CTNNA2: variants seen among roughly 807,000 people sequenced by gnomAD.
CTNNA2 encodes catenin alpha 2.
A neutral mutation model predicts 101.0 loss-of-function variants in CTNNA2; 42 were observed. That is an observed-to-expected ratio of 0.42 (90% CI 0.32 to 0.54). CTNNA2 has a LOEUF of 0.54. Ranked by LOEUF, CTNNA2 falls within the 20% of genes least tolerant of loss-of-function variation. CTNNA2 has a pLI of 0.14. For missense variants in CTNNA2, 871 were observed against 1,223.1 expected (o/e 0.71, Z 4.29); for synonymous variants, 450 against 456.4 (o/e 0.99, Z 0.18).
At chr2:79,243,007 C>CACACACACACAT (rs1674651496) in intron 2 of CTNNA2, among the ~76,000 whole-genome samples, 2 of 142,678 alleles carry the variant, frequency 1.4e-5, no homozygotes, top group African/African-American at 5.2e-5. Context: ...CACACACACA[C>CACACACACACAT]ACACACACAC....
At chr2:79,919,095 T>A (rs1203529149) in intron 7 of CTNNA2, among the ~76,000 whole-genome samples, 3 of 152,144 alleles carry the variant, frequency 2.0e-5, no homozygotes, top group Non-Finnish European at 4.4e-5. Flanking sequence ...AAGCCTCCTC[T>A]TGGTAGCCTT....
chr2:80,601,207 T>C (rs964331214), intron 15 of CTNNA2, among the ~76,000 whole-genome samples: 3 of 152,064 alleles, frequency 2.0e-5, no homozygotes, highest in Non-Finnish European at 4.4e-5. Context: ...TTTCTTCTTT[T>C]TGTCTGTGTG....
intron 2 of CTNNA2, among the ~76,000 whole-genome samples, chr2:79,654,997 CTTATAA>C (rs1384397986): frequency 2.0e-5 from 3 of 151,982 alleles, no homozygotes; most frequent in Non-Finnish European, 4.4e-5. Flanking sequence ...AAAATATGGA[CTTATAA>C]TTGTATATGT....
chr2:80,460,372 C>T (rs1235009759), intron 9 of CTNNA2, among the ~76,000 whole-genome samples: 1 of 152,032 alleles, frequency 6.6e-6, no homozygotes, highest in Non-Finnish European at 1.5e-5. Context: ...TGCACATACT[C>T]CAGTGCTTTT....
Position 79,668,891 on chromosome 2 carries a change from G to A in CTNNA2, c.102+17233G>A, listed in dbSNP as rs182610489. On this transcript the variant is annotated intron_variant, in intron 2 of 18. Coordinates refer to ENST00000402739, the MANE Select transcript of CTNNA2 (RefSeq NM_001282597.3). Reference sequence around the variant, plus strand: ...ACCAAAAGTTTCCAATCAAACAGAGGAACACATTCCTTATTCTAATCATAA... The same window carrying A: ...ACCAAAAGTTTCCAATCAAACAGAGAAACACATTCCTTATTCTAATCATAA... Among the ~76,000 whole-genome samples, 269 of 152,236 alleles carry A rather than the reference G, an allele frequency of 1.8e-3. 2 individuals carry two copies. The highest frequency in any genetic ancestry group is 2.9e-3 in the Non-Finnish European group (195 of 68,014).
At chr2:79,631,099 C>G (rs1035076531) in intron 1 of CTNNA2, among the ~76,000 whole-genome samples, 2 of 151,944 alleles carry the variant, frequency 1.3e-5, no homozygotes, top group African/African-American at 4.8e-5. Context: ...TTATCAGGTC[C>G]TAGAGTTTCT....
chr2:79,615,337 T>C (rs1431844313), intron 1 of CTNNA2, among the ~76,000 whole-genome samples: 1 of 152,154 alleles, frequency 6.6e-6, no homozygotes, highest in Non-Finnish European at 1.5e-5. Context: ...AATTTTTTCC[T>C]GAAATTTCAG....
chr2:80,404,804 A>G (rs757796591), intron 8 of CTNNA2, among the ~76,000 whole-genome samples: 9 of 152,108 alleles, frequency 5.9e-5, no homozygotes, highest in Non-Finnish European at 8.8e-5. Flanking sequence ...CAGTTGGTAC[A>G]ATTATTGGGT....
At position 80,430,331 on chromosome 2, in the gene CTNNA2, A is replaced by G. The variant is rs539705794; in HGVS notation, c.1290+10730A>G. 2.6e-3 allele frequency among the ~76,000 whole-genome samples: 394 copies of G among 152,284 alleles called. 3 individuals carry two copies. Among genetic ancestry groups the G allele is most frequent in the Non-Finnish European group, 4.3e-3 (293 of 68,028 alleles). On this transcript the variant is annotated intron_variant, in intron 9 of 18. Coordinates refer to ENST00000402739, the MANE Select transcript of CTNNA2 (RefSeq NM_001282597.3). ...CTAGATACCATGGTAATGTTCACAC[A>G]TTATCTCTTCTAATCCTCTAAGGAA...
chr2:79,933,457 T>C (rs1687581450), intron 7 of CTNNA2, among the ~76,000 whole-genome samples: 1 of 140,284 alleles, frequency 7.1e-6, no homozygotes, highest in South Asian at 2.2e-4. Flanking sequence ...TCTGGTATTC[T>C]CTTTTTTTTT....
chr2:80,546,055 C>T lies in CTNNA2; in HGVS notation c.1532C>T (p.Ser511Phe). Residue 511 changes from serine (S) to phenylalanine (F), a missense_variant, in exon 11 of 19, where the codon TCT (serine) becomes TTT (phenylalanine). Physicochemically the swap from Ser to Phe is radical, Grantham distance 155. Around this residue, in one of 5 missense-constraint regions of CTNNA2, gnomAD observed 647 missense variants for 831.5 expected, o/e 0.78. Transcript: ENST00000402739. The part of the protein sequence containing the change: ...DDITSVDDFL[S>F]VSENHILEDV... ...ATCACCTCAGTGGATGACTTCCTCT[C>T]TGTCTCAGGTAATCATCACAAACAG... The T allele has an allele frequency of 6.2e-7, 1 of 1,613,916 alleles. No homozygotes were observed. The highest frequency in any genetic ancestry group is 8.5e-7 in the Non-Finnish European group (1 of 1,179,940).
At chr2:79,702,184 C>G (rs1306978552) in intron 2 of CTNNA2, among the ~76,000 whole-genome samples, 1 of 151,212 alleles carries the variant, frequency 6.6e-6, no homozygotes, top group Non-Finnish European at 1.5e-5. Flanking sequence ...GATCTGTGGC[C>G]CAAGTCCTGA....
chr2:80,290,842 GA>G (rs1270259854), intron 7 of CTNNA2, among the ~76,000 whole-genome samples: 1 of 151,878 alleles, frequency 6.6e-6, no homozygotes, highest in Non-Finnish European at 1.5e-5. Flanking sequence ...GGGAGGGAAA[GA>G]AAAAATGAAG....
At chr2:80,093,455 C>T (rs531840947) in intron 7 of CTNNA2, among the ~76,000 whole-genome samples, 2 of 152,250 alleles carry the variant, frequency 1.3e-5, no homozygotes, top group East Asian at 1.9e-4. Context: ...AATAGTGCCG[C>T]AATAAACATA....
rs572024707 is a variant in CTNNA2 at position 80,400,098 on chromosome 2, G to A, written c.1137+6807G>A. Among the ~76,000 whole-genome samples, 4 of 152,318 alleles carry A rather than the reference G, an allele frequency of 2.6e-5. No homozygotes were observed. In the South Asian group the frequency reaches 8.3e-4, roughly 32 times the overall value. On this transcript the variant is annotated intron_variant, in intron 8 of 18. Coordinates refer to ENST00000402739, the MANE Select transcript of CTNNA2 (RefSeq NM_001282597.3). ...CCTGAATTGAGGTGTTTCTAGAGCT[G>A]ATGATAACAGCTAATCGCCTTGATT... is the stretch of plus-strand genomic sequence containing the variant.
intron 2 of CTNNA2, among the ~76,000 whole-genome samples, chr2:79,671,605 A>G (rs1682845106): frequency 6.6e-6 from 1 of 152,242 alleles, no homozygotes; most frequent in Admixed American, 6.5e-5. Context: ...TTCCTTTTTA[A>G]GTGCCAGAAG....
At chr2:80,349,407 A>C (rs1673077748) in intron 7 of CTNNA2, among the ~76,000 whole-genome samples, 1 of 152,160 alleles carries the variant, frequency 6.6e-6, no homozygotes, top group East Asian at 1.9e-4. Context: ...ATTCTGGCAT[A>C]AACTATTCTA....
chr2:79,787,213 T>C (rs1674910494), intron 3 of CTNNA2, among the ~76,000 whole-genome samples: 1 of 152,204 alleles, frequency 6.6e-6, no homozygotes, highest in Admixed American at 6.5e-5. Flanking sequence ...TTGCACACTG[T>C]ATTTACTTCA....
chr2:79,345,470 C>G (rs1677241382), intron 3 of CTNNA2, among the ~76,000 whole-genome samples: 2 of 152,100 alleles, frequency 1.3e-5, no homozygotes, highest in South Asian at 4.1e-4. Flanking sequence ...AAAAATAACG[C>G]AAAGACAATG....
Sources: gnomAD v4.1 joint callset for allele counts (sites outside exome capture counted in the v4.1 genomes callset) on GRCh38, gnomAD v4.1.1 for gene constraint, gnomAD v4.1.1 regional missense constraint, MANE v1.5 for transcripts, NCBI Gene and HGNC (gene_info 2026-07-23, HGNC 2026-07-21) for gene names.